MTG1: variants seen among roughly 807,000 people sequenced by gnomAD.
MTG1 encodes the protein mitochondrial ribosome associated GTPase 1.
In MTG1, 30 loss-of-function variants were observed where a neutral mutation model predicts 39.5. That is an observed-to-expected ratio of 0.76 (90% CI 0.57 to 1.03). MTG1 has a LOEUF of 1.03. Among genes scored for constraint, MTG1 ranks in the 50% least tolerant of loss-of-function variants. The pLI is 0.00. For missense variants in MTG1, 513 were observed against 447.4 expected (o/e 1.15, Z -1.32); for synonymous variants, 217 against 179.0 (o/e 1.21, Z -1.69).
intron 4 of MTG1, 115 bp from the exon 5 acceptor site, chr10:133,399,055 A>G (rs1020075397): frequency 2.6e-6 from 3 of 1,143,750 alleles, no homozygotes; most frequent in African/African-American, 1.5e-5. Context: ...TTCCTAACGG[A>G]TATGTGAAAG....
chr10:133,395,595 T>G (rs1001137335), intron 1 of MTG1, 118 bp from the exon 2 acceptor site: 5 of 934,752 alleles, frequency 5.3e-6, no homozygotes, highest in African/African-American at 3.3e-5. Flanking sequence ...TACGCTTCCC[T>G]CAGATATAGT....
rs1849977152 is a variant in MTG1 at position 133,406,830 on chromosome 10, A to G, written c.752+4057A>G. ...CAGGTGCCCGCCACCATACCTGGCTAAGTTTTGTATTTTTAGTAGAGATGG... is the reference window on the plus strand; with the variant it reads ...CAGGTGCCCGCCACCATACCTGGCTGAGTTTTGTATTTTTAGTAGAGATGG... On this transcript the variant is annotated intron_variant, in intron 9 of 10. Coordinates refer to ENST00000317502, the MANE Select transcript of MTG1 (RefSeq NM_138384.4). 1.3e-5 allele frequency among the ~76,000 whole-genome samples: 2 copies of G among 151,914 alleles called. 1 individual carries two copies. The highest frequency in any genetic ancestry group is 2.9e-5 in the Non-Finnish European group (2 of 67,980).
chr10:133,401,991 G>A, intron 7 of MTG1, 158 bp from the exon 8 acceptor site: 1 of 739,584 alleles, frequency 1.4e-6, no homozygotes, highest in Middle Eastern at 3.6e-4. Flanking sequence ...ATCCTCTGGG[G>A]AACCCTGGAG....
rs1051811809 is a variant in MTG1 at position 133,401,471 on chromosome 10, G to C, written c.512-58G>C. ...GTTTGTTACATACGTCTCCCTACTT[G>C]TTCTGCAGCTTCTGTGTTTAGTATA... is the stretch of plus-strand genomic sequence containing the variant. On this transcript the variant is annotated intron_variant, in intron 6 of 10. Coordinates refer to ENST00000317502, the MANE Select transcript of MTG1 (RefSeq NM_138384.4). 1.3e-4 allele frequency: 183 copies of C among 1,449,806 alleles called. 1 individual carries two copies. Among genetic ancestry groups the C allele is most frequent in the Non-Finnish European group, 1.6e-4 (175 of 1,072,474 alleles). The allele number at this position is 1,449,806 out of a possible 1,614,324, so 89.8% of individuals were successfully genotyped here.
rs1043854913 is a variant in MTG1, at chr10:133,394,192, G to C, written c.-29G>C. 2 of 1,493,924 alleles carry C rather than the reference G, an allele frequency of 1.3e-6. No individual in the cohort carries two copies. Among genetic ancestry groups the C allele is most frequent in the African/African-American group, 1.5e-5 (1 of 68,742 alleles). 92.5% of individuals were successfully genotyped at this position (1,493,924 alleles called of 1,614,324 possible). Reference sequence around the variant, plus strand: ...CGCAGCGGCGCAGAGGAGGTCAGCTGCGGGAGCGTTTCCGGGGACGGTGCC... The same window carrying C: ...CGCAGCGGCGCAGAGGAGGTCAGCTCCGGGAGCGTTTCCGGGGACGGTGCC... On this transcript the variant is annotated 5_prime_UTR_variant, in exon 1 of 11. Transcript: ENST00000317502.
intron 9 of MTG1, among the ~76,000 whole-genome samples, chr10:133,407,725 C>T (rs141925516): frequency 0.012 from 1,771 of 151,858 alleles, 40 homozygotes; most frequent in African/African-American, 0.041. Flanking sequence ...TGTGCCACCA[C>T]GCCTGGCTCA....
intron 9 of MTG1, among the ~76,000 whole-genome samples, chr10:133,410,936 C>T (rs1850037199): frequency 6.6e-6 from 1 of 152,108 alleles, no homozygotes. Flanking sequence ...CTCTCTCTTT[C>T]CAGGTTGCTG....
Position 133,421,904 on chromosome 10 carries a change from G to GGGT in MTG1, c.*1741_*1742insTGG, listed in dbSNP as rs1554893371. On this transcript the variant is annotated 3_prime_UTR_variant, in exon 11 of 11. Coordinates refer to ENST00000317502, the MANE Select transcript of MTG1 (RefSeq NM_138384.4). ...GAGGGTGAGATCCCAAGGCCACGGC[G>GGGT]GGGGGCAGGGAGAACCCCTCCTACC... 7.2e-6 allele frequency: 1 copy of GGGT among 138,186 alleles called. No homozygotes were observed. The highest frequency in any genetic ancestry group is 1.5e-5 in the Non-Finnish European group (1 of 66,106). The allele number at this position is 138,186 out of a possible 1,614,324, so 8.6% of individuals were successfully genotyped here. A position where few individuals can be genotyped will look rare whatever the true frequency, so the allele number is the denominator to read the frequency against.
rs369509298 is a variant in MTG1, at chr10:133,397,478, A to C, written c.283-957A>C. On this transcript the variant is annotated intron_variant, in intron 3 of 10. Coordinates refer to ENST00000317502, the MANE Select transcript of MTG1 (RefSeq NM_138384.4). Reference sequence around the variant, plus strand: ...CTTTTATCTCTTTGTCTTGTGTCTTATTTTCTTTTTTTTTTTTTGAGGCAG... The same window carrying C: ...CTTTTATCTCTTTGTCTTGTGTCTTCTTTTCTTTTTTTTTTTTTGAGGCAG... Among the ~76,000 whole-genome samples the C allele has an allele frequency of 9.0e-5, 13 of 144,648 alleles. No homozygotes were observed. The East Asian group carries it at 1.0e-3, about 11-fold the overall frequency. The allele number at this position is 144,648 out of a possible 152,430, so 94.9% of individuals were successfully genotyped here. A position where few individuals can be genotyped will look rare whatever the true frequency, so the allele number is the denominator to read the frequency against.
At chr10:133,411,895 T>C (rs1266806572) in intron 9 of MTG1, among the ~76,000 whole-genome samples, 1 of 152,094 alleles carries the variant, frequency 6.6e-6, no homozygotes, top group Non-Finnish European at 1.5e-5. Context: ...ACTGTTACCT[T>C]GAATTCTTGA....
Position 133,395,690 on chromosome 10 carries a change from T to A in MTG1, c.113-23T>A, listed in dbSNP as rs1229510813. 6 of 1,613,194 alleles carry A rather than the reference T, an allele frequency of 3.7e-6. No individual in the cohort carries two copies. The Admixed American group carries it at 1.0e-4, about 27-fold the overall frequency. ...CTAGAAAGGTTGTGAGCCCCTTCGC[T>A]GAGGCGTCCTTCTGTTTTCCAGGGC... On this transcript the variant is annotated intron_variant, in intron 1 of 10. Coordinates refer to ENST00000317502, the MANE Select transcript of MTG1 (RefSeq NM_138384.4).
rs748210829 is a variant in MTG1 at position 133,399,530 on chromosome 10, A to G, written c.422A>G (p.Asn141Ser). The change falls in exon 6 of 11, where the codon AAC becomes AGC. Residue 141 changes from asparagine to serine, a missense_variant and splice_region_variant. Physicochemically the swap from Asn to Ser is conservative, Grantham distance 46 (BLOSUM62 1). Transcript: ENST00000317502. ...GRSHRYHRKENLEYCIMVIGV... is the reference protein window; with the variant it reads ...GRSHRYHRKESLEYCIMVIGV... ...TGACCCCTCTCTCTGCCTGCGCAGA[A>G]CCTGGAGTACTGTATCATGGTCATT... 1.9e-6 allele frequency: 3 copies of G among 1,614,058 alleles called. No homozygotes were observed. The East Asian group carries it at 6.7e-5, about 36-fold the overall frequency.
intron 9 of MTG1, among the ~76,000 whole-genome samples, chr10:133,413,897 C>T (rs985996530): frequency 6.6e-6 from 1 of 151,198 alleles, no homozygotes; most frequent in Non-Finnish European, 1.5e-5. Context: ...CACACCTTCT[C>T]ATTTCTTTGT....
chr10:133,410,313 TCCCA>T (rs958618068), intron 9 of MTG1, among the ~76,000 whole-genome samples: 2 of 152,212 alleles, frequency 1.3e-5, no homozygotes, highest in Non-Finnish European at 2.9e-5. Flanking sequence ...CACATTGGCC[TCCCA>T]AAGCGCTGGG....
Position 133,401,606 on chromosome 10 carries a change from G to T in MTG1, c.573+16G>T, listed in dbSNP as rs371572757. 1.9e-5 allele frequency: 31 copies of T among 1,613,326 alleles called. 1 individual carries two copies. The South Asian group carries it at 3.0e-4, about 15-fold the overall frequency. Reference sequence around the variant, plus strand: ...CAAAATTCAGGTGGAGTCCTCAGGGGCCAGGCCCAGCACTCTGTCAAGAGC... The same window carrying T: ...CAAAATTCAGGTGGAGTCCTCAGGGTCCAGGCCCAGCACTCTGTCAAGAGC... On this transcript the variant is annotated intron_variant, in intron 7 of 10. Coordinates refer to ENST00000317502, the MANE Select transcript of MTG1 (RefSeq NM_138384.4).
intron 9 of MTG1, among the ~76,000 whole-genome samples, chr10:133,415,451 G>A (rs566363257): frequency 5.9e-5 from 9 of 152,068 alleles, no homozygotes; most frequent in African/African-American, 1.4e-4. Context: ...CCAGATTGAC[G>A]GGGTTTTTTA....
chr10:133,412,396 A>G (rs56060329), intron 9 of MTG1, among the ~76,000 whole-genome samples: 11,056 of 152,238 alleles, frequency 0.073, 426 homozygotes, highest in Middle Eastern at 0.12. Flanking sequence ...TGTATCTTGT[A>G]ACCCTGCTAA....
intron 6 of MTG1, 138 bp from the exon 7 acceptor site, chr10:133,401,391 C>A: frequency 1.5e-6 from 1 of 649,392 alleles, no homozygotes; most frequent in Non-Finnish European, 2.6e-6. Flanking sequence ...AGTCTCCCTG[C>A]TTGGCTGGTA....
chr10:133,415,593 C>T (rs186067193), intron 9 of MTG1, among the ~76,000 whole-genome samples: 6 of 152,166 alleles, frequency 3.9e-5, no homozygotes, highest in African/African-American at 9.6e-5. Context: ...TCTGATGAGC[C>T]GTCTGTGGTC....
Sources: allele counts gnomAD v4.1 joint callset (sites outside exome capture counted in the v4.1 genomes callset), GRCh38; gene constraint gnomAD v4.1.1; transcripts MANE v1.5; gene names NCBI Gene and HGNC (gene_info 2026-07-23, HGNC 2026-07-21).